TUSC3: variants seen among roughly 807,000 people sequenced by gnomAD.
The protein encoded by TUSC3 is tumor suppressor candidate 3.
In TUSC3, 45 loss-of-function variants were observed where a neutral mutation model predicts 44.8. The observed-to-expected ratio is 1.00, with a 90% CI of 0.79 to 1.29. TUSC3 has a LOEUF of 1.29. Ranked by LOEUF, TUSC3 falls within the 50% of genes most tolerant of loss-of-function variation. The pLI is 0.00. For synonymous variants in TUSC3, 212 were observed against 152.9 expected (o/e 1.39, Z -2.85); for missense variants, 519 against 437.9 (o/e 1.19, Z -1.65).
At chr8:15,698,811 CAT>C (rs1488255295) in intron 6 of TUSC3, among the ~76,000 whole-genome samples, 1 of 151,400 alleles carries the variant, frequency 6.6e-6, no homozygotes, top group Non-Finnish European at 1.5e-5. Context: ...AATAAGTTAA[CAT>C]ATGAAGTTCT....
intron 1 of TUSC3, among the ~76,000 whole-genome samples, chr8:15,435,555 C>A (rs540351961): frequency 6.6e-6 from 1 of 152,060 alleles, no homozygotes; most frequent in Admixed American, 6.6e-5. Flanking sequence ...TGGACTGTTT[C>A]CAATTTCCAA....
intron 2 of TUSC3, chr8:15,483,546 A>C (rs1800691896): frequency 6.5e-6 from 1 of 154,588 alleles, no homozygotes; most frequent in African/African-American, 2.4e-5. Context: ...CTCCACGTTG[A>C]TCAGGCTGTC....
intron 6 of TUSC3, among the ~76,000 whole-genome samples, chr8:15,694,435 CAAAAA>C (rs146718595): frequency 2.4e-5 from 2 of 83,230 alleles, no homozygotes; most frequent in African/African-American, 5.5e-5. Context: ...AAACTCCATC[CAAAAA>C]AAAAAAAAAA....
At chr8:15,478,307 A>T (rs187626632) in intron 1 of TUSC3, among the ~76,000 whole-genome samples, 1 of 152,190 alleles carries the variant, frequency 6.6e-6, no homozygotes, top group East Asian at 1.9e-4. Flanking sequence ...GGATACATGT[A>T]CAGGATGTGC....
the TUSC3 span, among the ~76,000 whole-genome samples, chr8:15,791,498 TC>T: frequency 4.6e-5 from 7 of 152,142 alleles, no homozygotes; most frequent in African/African-American, 1.7e-4. Context: ...AATCATCTAA[TC>T]CAGTTTCTGC....
chr8:15,829,948 C>G, the TUSC3 span, among the ~76,000 whole-genome samples: 1 of 152,116 alleles, frequency 6.6e-6, no homozygotes, highest in African/African-American at 2.4e-5. Context: ...GCACACTCAA[C>G]CAATATCTAT....
the TUSC3 span, among the ~76,000 whole-genome samples, chr8:15,802,328 G>GT: frequency 1.1e-4 from 16 of 152,280 alleles, no homozygotes; most frequent in African/African-American, 3.6e-4. Context: ...TGTTTTGCTT[G>GT]TGCATGGTGC....
chr8:15,622,341 A>C (rs1014687258), intron 1 of TUSC3, among the ~76,000 whole-genome samples: 2 of 151,096 alleles, frequency 1.3e-5, no homozygotes, highest in Non-Finnish European at 2.9e-5. Context: ...TGTGTTGCCT[A>C]AGCTTATCTT....
chr8:15,842,703 T>C, the TUSC3 span, among the ~76,000 whole-genome samples: 3 of 152,056 alleles, frequency 2.0e-5, no homozygotes, highest in African/African-American at 4.8e-5. Context: ...AACAGAAAAA[T>C]TTTTGGTCTG....
intron 6 of TUSC3, among the ~76,000 whole-genome samples, chr8:15,676,386 CAT>C (rs1335317066): frequency 1.3e-5 from 2 of 152,084 alleles, no homozygotes; most frequent in African/African-American, 4.8e-5. Flanking sequence ...TTGTCAGGTA[CAT>C]AGTTTGTAAA....
chr8:15,600,000 C>T (rs1467923586), intron 1 of TUSC3, among the ~76,000 whole-genome samples: 1 of 151,692 alleles, frequency 6.6e-6, no homozygotes, highest in Non-Finnish European at 1.5e-5. Flanking sequence ...ACGCCATCTG[C>T]AAACAAAGAC....
At chr8:15,458,688 T>C (rs1283406112) in intron 1 of TUSC3, among the ~76,000 whole-genome samples, 1 of 152,198 alleles carries the variant, frequency 6.6e-6, no homozygotes, top group African/African-American at 2.4e-5. Context: ...GAGTGCATGC[T>C]CCTCCTCCCG....
At chr8:15,634,657 A>G (rs1805982059) in intron 2 of TUSC3, among the ~76,000 whole-genome samples, 2 of 152,200 alleles carry the variant, frequency 1.3e-5, no homozygotes, top group South Asian at 4.1e-4. Context: ...GGAAGTCTTC[A>G]AAGGTGGTTC....
At chr8:15,679,010 T>A (rs1339885170) in intron 6 of TUSC3, among the ~76,000 whole-genome samples, 1 of 152,222 alleles carries the variant, frequency 6.6e-6, no homozygotes, top group Non-Finnish European at 1.5e-5. Context: ...TCACCGTGGA[T>A]GAGCACCTAG....
chr8:15,613,292 G>GTAAC (rs1554459390), intron 1 of TUSC3, among the ~76,000 whole-genome samples: 1 of 151,490 alleles, frequency 6.6e-6, no homozygotes, highest in Non-Finnish European at 1.5e-5. Flanking sequence ...GAAACATTAG[G>GTAAC]TAACTCTGAG....
intron 1 of TUSC3, among the ~76,000 whole-genome samples, chr8:15,440,797 A>C (rs565605370): frequency 6.6e-6 from 1 of 152,184 alleles, no homozygotes; most frequent in East Asian, 1.9e-4. Context: ...ACTACTGGGA[A>C]GAGAGAGACT....
chr8:15,813,725 C>G, the TUSC3 span, among the ~76,000 whole-genome samples: 1 of 151,992 alleles, frequency 6.6e-6, no homozygotes, highest in Admixed American at 6.6e-5. Flanking sequence ...TCTTTACACT[C>G]TTGGGATGGA....
At chr8:15,567,641 T>G (rs1294346675) in intron 1 of TUSC3, among the ~76,000 whole-genome samples, 1 of 152,160 alleles carries the variant, frequency 6.6e-6, no homozygotes, top group African/African-American at 2.4e-5. Context: ...CAGTCAAGCA[T>G]GAGAGTGAGC....
chr8:15,642,243 CAGAT>C (rs958602232), intron 2 of TUSC3, among the ~76,000 whole-genome samples: 28 of 152,216 alleles, frequency 1.8e-4, no homozygotes, highest in Admixed American at 5.2e-4. Context: ...TGCATATACT[CAGAT>C]AGTTAACTGG....
Sources: gnomAD v4.1 joint callset for allele counts (sites outside exome capture counted in the v4.1 genomes callset) on GRCh38, gnomAD v4.1.1 for gene constraint, MANE v1.5 for transcripts, NCBI Gene and HGNC (gene_info 2026-07-23, HGNC 2026-07-21) for gene names.